KIAA0408: variants seen among roughly 807,000 people sequenced by gnomAD.
KIAA0408 encodes the protein KIAA0408.
Under a neutral mutation model 60.9 loss-of-function variants are expected in KIAA0408, and 51 were observed. That is an observed-to-expected ratio of 0.84 (90% CI 0.67 to 1.06). The LOEUF (loss-of-function observed/expected upper bound fraction) is 1.06, where lower values mean the gene tolerates loss of function less well. KIAA0408 is among the 50% of genes least tolerant of loss of function. KIAA0408 has a pLI of 0.00. For missense variants in KIAA0408, 787 were observed against 833.9 expected, an observed-to-expected ratio of 0.94 and a Z score of 0.69; for synonymous variants, 304 against 282.4, an observed-to-expected ratio of 1.08 and a Z score of -0.77.
intron 5 of KIAA0408, 64 bp from the exon 6 acceptor site, chr6:127,444,346 T>G: frequency 7.6e-7 from 1 of 1,318,372 alleles, no homozygotes; most frequent in Admixed American, 2.5e-5. Context: ...TAATATATGA[T>G]GGGTCTCAAC....
At chr6:127,448,145 TC>T (rs1773237315) in intron 4 of KIAA0408, among the ~76,000 whole-genome samples, 1 of 152,196 alleles carries the variant, frequency 6.6e-6, no homozygotes, top group Admixed American at 6.5e-5. Context: ...TAATGTGAGC[TC>T]AAGTTCTTCT....
intron 1 of KIAA0408, among the ~76,000 whole-genome samples, chr6:127,457,441 C>A (rs917148675): frequency 5.3e-5 from 8 of 152,206 alleles, no homozygotes; most frequent in Non-Finnish European, 1.5e-5. Context: ...CTATCTGCAT[C>A]CCCTACCCCA....
intron 1 of KIAA0408, chr6:127,454,321 T>G (rs1773353286): frequency 1.5e-5 from 3 of 203,518 alleles, no homozygotes. Context: ...GACAGCAAAA[T>G]TATAGTGGAC....
rs1473390054 is a variant in KIAA0408 at position 127,444,090 on chromosome 6, A to G, written c.*19T>C. On this transcript the variant is annotated 3_prime_UTR_variant, in exon 6 of 6. Coordinates refer to ENST00000483725, the MANE Select transcript of KIAA0408 (RefSeq NM_014702.5). Reference sequence around the variant, plus strand: ...AGTGGGACTAGAACTTCTGTAATATAGCAATCCAGGCCAAAGACTTAAACC... The same window carrying G: ...AGTGGGACTAGAACTTCTGTAATATGGCAATCCAGGCCAAAGACTTAAACC... 1.9e-6 allele frequency: 3 copies of G among 1,612,378 alleles called. No individual in the cohort carries two copies.
intron 4 of KIAA0408, among the ~76,000 whole-genome samples, chr6:127,449,143 A>G (rs961323369): frequency 2.0e-5 from 3 of 152,208 alleles, no homozygotes; most frequent in African/African-American, 4.8e-5. Context: ...TAATTCTGAC[A>G]TCGTTTAATG....
Position 127,438,729 on chromosome 6 carries a change from T to G in KIAA0408, c.*5380A>C, listed in dbSNP as rs1225355031. 2 of 152,210 alleles carry G rather than the reference T, an allele frequency of 1.3e-5. No homozygotes were observed. Among genetic ancestry groups the G allele is most frequent in the East Asian group, 3.8e-4 (2 of 5,204 alleles). 9.4% of individuals were successfully genotyped at this position (152,210 alleles called of 1,614,324 possible). ...TGTATATGTAAACATAGAAAAAGTA[T>G]AGCAAAAATATTGTATTATAATCTT... On this transcript the variant is annotated 3_prime_UTR_variant, in exon 6 of 6. Coordinates refer to ENST00000483725, the MANE Select transcript of KIAA0408 (RefSeq NM_014702.5).
At chr6:127,454,158 T>G (rs1041564811) in intron 1 of KIAA0408, 57 bp from the exon 2 acceptor site, 2 of 1,271,564 alleles carry the variant, frequency 1.6e-6, no homozygotes, top group African/African-American at 3.1e-5. Context: ...GGAAATATAT[T>G]TTATCATTTT....
rs947973657 is a variant in KIAA0408, at chr6:127,450,147, C to G, written c.341G>C (p.Gly114Ala). ...TTGTTCCTTACACATTTGATTTCCT[C>G]CACTGACTAAGCTCTGCTCTCTTTT... ...ENKREQSLVS[G>A]GNQMCKEQKA... Residue 114 changes from glycine (G) to alanine (A), a missense_variant, in exon 3 of 6, where the codon GGA (glycine) becomes GCA (alanine). Physicochemically the swap from Gly to Ala is moderately conservative, Grantham distance 60. This residue lies in a region of KIAA0408 where 640 missense variants were observed against 681.3 expected (regional missense o/e 0.94). Transcript: ENST00000483725. 2 of 1,614,064 alleles carry G rather than the reference C, an allele frequency of 1.2e-6. No individual in the cohort carries two copies. The highest frequency in any genetic ancestry group is 1.3e-5 in the African/African-American group (1 of 75,030).
rs756908771 is a variant in KIAA0408 at position 127,449,981 on chromosome 6, C to T, written c.498+9G>A. On this transcript the variant is annotated intron_variant, in intron 3 of 5. Transcript: ENST00000483725. ...AGAAACAGTTCTAGGCCAATCACAT[C>T]TTACTTACTGTACTGAGGGCGCCAG... The T allele has an allele frequency of 1.9e-6, 3 of 1,613,794 alleles. No individual in the cohort carries two copies.
rs1773111653 is a variant in KIAA0408 at position 127,441,813 on chromosome 6, G to A, written c.*2296C>T. 6.6e-6 allele frequency: 1 copy of A among 151,798 alleles called. No individual in the cohort carries two copies. The highest frequency in any genetic ancestry group is 2.4e-5 in the African/African-American group (1 of 41,322). 9.4% of individuals were successfully genotyped at this position (151,798 alleles called of 1,614,324 possible). On this transcript the variant is annotated 3_prime_UTR_variant, in exon 6 of 6. Transcript: ENST00000483725. ...ACATTCAAATAACCTTAGTTTTTCA[G>A]TTTTACAATCAAGGAGTTGGACTAG...
chr6:127,446,216 C>T (rs1350913955), intron 5 of KIAA0408, among the ~76,000 whole-genome samples, 192 bp downstream of exon 5: 1 of 152,092 alleles, frequency 6.6e-6, no homozygotes, highest in Non-Finnish European at 1.5e-5. Flanking sequence ...TTACAATGTA[C>T]TATTCTCAGT....
chr6:127,452,829 T>G (rs570362469), intron 2 of KIAA0408, among the ~76,000 whole-genome samples: 1 of 152,194 alleles, frequency 6.6e-6, no homozygotes, highest in African/African-American at 2.4e-5. Flanking sequence ...GGACACATTT[T>G]CTAAACTATA....
chr6:127,447,499 A>T lies in KIAA0408; in HGVS notation c.820T>A (p.Ser274Thr). 1 of 1,613,214 alleles carries T rather than the reference A, an allele frequency of 6.2e-7. No homozygotes were observed. Among genetic ancestry groups the T allele is most frequent in the Non-Finnish European group, 8.5e-7 (1 of 1,179,764 alleles). Residue 274 changes from serine (S) to threonine (T), a missense_variant, in exon 5 of 6, where the codon TCT becomes ACT. This residue lies in a region of KIAA0408 where 640 missense variants were observed against 681.3 expected (regional missense o/e 0.94). Coordinates refer to ENST00000483725, the MANE Select transcript of KIAA0408 (RefSeq NM_014702.5). ...TPPVPPPRSTSRNFPSSDSEQ... is the reference protein window; with the variant it reads ...TPPVPPPRSTTRNFPSSDSEQ... ...GAATCCGAGCTGGGAAAATTTCGAG[A>T]GGTGCTTCTTGGAGGAGGAACTGGT...
chr6:127,446,087 T>C (rs1211541158), intron 5 of KIAA0408, among the ~76,000 whole-genome samples: 1 of 152,208 alleles, frequency 6.6e-6, no homozygotes, highest in Non-Finnish European at 1.5e-5. Context: ...TGAAATTCTA[T>C]AAATTGAGTA....
At chr6:127,457,901 C>T (rs746419576) in intron 1 of KIAA0408, among the ~76,000 whole-genome samples, 1 of 152,208 alleles carries the variant, frequency 6.6e-6, no homozygotes, top group African/African-American at 2.4e-5. Flanking sequence ...AACTAAACAG[C>T]GTTCCTTAGG....
rs1773222957 is a variant in KIAA0408 at position 127,447,507 on chromosome 6, C to T, written c.812G>A (p.Arg271Lys). The T allele has an allele frequency of 1.2e-6, 2 of 1,611,812 alleles. No individual in the cohort carries two copies. The highest frequency in any genetic ancestry group is 1.3e-5 in the African/African-American group (1 of 74,818). The change falls in exon 5 of 6, where the codon AGA (arginine) becomes AAA (lysine). Residue 271 changes from arginine (R) to lysine (K), a missense_variant. This residue lies in a region of KIAA0408 where 640 missense variants were observed against 681.3 expected (regional missense o/e 0.94). Transcript: ENST00000483725. ...RNETPPVPPP[R>K]STSRNFPSSD... is the part of the protein sequence containing the mutation. ...GCTGGGAAAATTTCGAGAGGTGCTT[C>T]TTGGAGGAGGAACTGGTGGAGTTTC...
At position 127,446,637 on chromosome 6, in the gene KIAA0408, C is replaced by T. The variant is rs909629121; in HGVS notation, c.1682G>A (p.Gly561Asp). Residue 561 changes from glycine to aspartate, a missense_variant, in exon 5 of 6, where the codon GGT becomes GAT. Physicochemically the swap from Gly to Asp is moderately conservative, Grantham distance 94. This residue lies in a region of KIAA0408 where 640 missense variants were observed against 681.3 expected (regional missense o/e 0.94). Coordinates refer to ENST00000483725, the MANE Select transcript of KIAA0408 (RefSeq NM_014702.5). ...PRSADPRSNY[G>D]VVEKLLKTYE... ...GGTTTTCAGCAGCTTTTCCACAACA[C>T]CATAATTTGACCTGGGATCAGCTGA... is the stretch of plus-strand genomic sequence containing the variant. 6.2e-6 allele frequency: 10 copies of T among 1,614,096 alleles called. No individual in the cohort carries two copies. In the Admixed American group the frequency reaches 1.0e-4, roughly 16 times the overall value.
At chr6:127,449,502 A>AT (rs896840156) in intron 4 of KIAA0408, among the ~76,000 whole-genome samples, 1 of 151,956 alleles carries the variant, frequency 6.6e-6, no homozygotes, top group African/African-American at 2.4e-5. Context: ...ATACAAAAAA[A>AT]CTAGCTGGGC....
At chr6:127,457,733 A>T (rs1773421284) in intron 1 of KIAA0408, among the ~76,000 whole-genome samples, 1 of 152,210 alleles carries the variant, frequency 6.6e-6, no homozygotes. Flanking sequence ...TAAGAGTAAC[A>T]CACAAGTCTC....
Sources: gnomAD v4.1 joint callset for allele counts (sites outside exome capture counted in the v4.1 genomes callset) on GRCh38, gnomAD v4.1.1 for gene constraint, gnomAD v4.1.1 regional missense constraint, MANE v1.5 for transcripts, NCBI Gene and HGNC (gene_info 2026-07-23, HGNC 2026-07-21) for gene names.